Variants in SLIT1 observed in about 807,000 individuals in gnomAD.
SLIT1 encodes the protein slit homolog 1 protein.
SLIT1 carries 66 observed loss-of-function variants against 186.1 expected under a neutral mutation model. The ratio of observed to expected loss-of-function variants is 0.35; its 90% confidence interval spans 0.29 to 0.44. The LOEUF is 0.44. Among genes scored for constraint, SLIT1 ranks in the 20% least tolerant of loss-of-function variants. The probability of loss-of-function intolerance (pLI) is 1.00; values close to 1 mark genes in which losing one functional copy is unlikely to be tolerated. For missense variants in SLIT1, 1,638 were observed against 2,037.4 expected (o/e 0.80, Z 3.77); for synonymous variants, 761 against 833.8 (o/e 0.91, Z 1.50).
intron 4 of SLIT1, among the ~76,000 whole-genome samples, chr10:97,083,009 T>C (rs1338298198): frequency 6.6e-6 from 1 of 152,166 alleles, no homozygotes; most frequent in East Asian, 1.9e-4. Flanking sequence ...GCTCAGGCAA[T>C]CCTGGGCTCA....
At chr10:97,136,024 G>T (rs1391003066) in intron 4 of SLIT1, among the ~76,000 whole-genome samples, 1 of 152,096 alleles carries the variant, frequency 6.6e-6, no homozygotes, top group African/African-American at 2.4e-5. Context: ...GGGGCCCTCG[G>T]GCTGACTAAC....
chr10:97,036,100 T>C (rs1327443086), intron 22 of SLIT1, among the ~76,000 whole-genome samples: 3 of 152,196 alleles, frequency 2.0e-5, no homozygotes, highest in Non-Finnish European at 4.4e-5. Flanking sequence ...TCTGCCCACT[T>C]CATGCGCTCT....
In SLIT1 at chr10:97,004,878, G is replaced by T; in HGVS notation, c.3580-55C>A. ...CCCACCCCATGCAGCAGCGGCACAG[G>T]CTAGCAGATGGGGCAGAGAGGGCAC... On this transcript the variant is annotated intron_variant, in intron 32 of 36. Transcript: ENST00000266058. This position sits in a 1 kb window ranked among gnomAD's most constrained non-coding sequence, Gnocchi z 5.1. 4 of 1,608,210 alleles carry T rather than the reference G, an allele frequency of 2.5e-6. No individual in the cohort carries two copies. In the South Asian group the frequency reaches 3.3e-5, roughly 13 times the overall value.
At position 97,059,416 on chromosome 10, in the gene SLIT1, G is replaced by C. The variant is rs1463389819; in HGVS notation, c.1085+44C>G. The C allele has an allele frequency of 3.3e-6, 5 of 1,533,910 alleles. No homozygotes were observed. The Admixed American group carries it at 8.3e-5, about 26-fold the overall frequency. On this transcript the variant is annotated intron_variant, in intron 11 of 36. Transcript: ENST00000266058. ...CCCTGGGCCCTGCCAGCCTCCTCAG[G>C]GGATGCCCTGGGCCACTGAGGAAGC... is the stretch of plus-strand genomic sequence containing the variant.
intron 4 of SLIT1, among the ~76,000 whole-genome samples, chr10:97,145,117 T>A (rs1485604149): frequency 6.6e-6 from 1 of 152,100 alleles, no homozygotes; most frequent in Non-Finnish European, 1.5e-5. Context: ...TATTAAATGA[T>A]GTACAGTATT....
At chr10:97,031,987 C>T (rs924028083) in intron 23 of SLIT1, among the ~76,000 whole-genome samples, 7 of 152,260 alleles carry the variant, frequency 4.6e-5, no homozygotes, top group African/African-American at 1.7e-4. Context: ...ATGCCTGACT[C>T]CAATAAATCC....
chr10:97,168,159 A>G (rs1237426104), intron 1 of SLIT1, among the ~76,000 whole-genome samples: 1 of 152,146 alleles, frequency 6.6e-6, no homozygotes, highest in Admixed American at 6.5e-5. Flanking sequence ...ACTTTTTTGC[A>G]GTGTTTTCAT....
At chr10:97,069,329 G>A (rs1020551215) in intron 4 of SLIT1, among the ~76,000 whole-genome samples, 1 of 152,252 alleles carries the variant, frequency 6.6e-6, no homozygotes, top group African/African-American at 2.4e-5. Context: ...GCTTGTGGAT[G>A]CAGAGCTAAC....
At position 97,063,440 on chromosome 10, in the gene SLIT1, G is replaced by C. The variant is rs752277301; in HGVS notation, c.793+15C>G. On this transcript the variant is annotated intron_variant, in intron 8 of 36. Transcript: ENST00000266058. ...GCGCCGGACAGTTGAGAGCCCGGCA[G>C]GGGTCTGCACCCACCTGAGCAGCTG... 2.5e-6 allele frequency: 4 copies of C among 1,611,928 alleles called. No homozygotes were observed. Among genetic ancestry groups the C allele is most frequent in the Admixed American group, 3.3e-5 (2 of 59,970 alleles).
chr10:97,088,404 C>G lies in SLIT1; in HGVS notation c.414-22318G>C, dbSNP rs548560481. On this transcript the variant is annotated intron_variant, in intron 4 of 36. Coordinates refer to ENST00000266058, the MANE Select transcript of SLIT1 (RefSeq NM_003061.3). ...ATTGGGCCTGGAAGAGTAGTTCATA[C>G]TAGGTGGTGAATGACTGACAGCCCT... Among the ~76,000 whole-genome samples the G allele has an allele frequency of 4.6e-5, 7 of 152,212 alleles. No individual in the cohort carries two copies. The South Asian group carries it at 1.5e-3, about 32-fold the overall frequency.
At chr10:97,115,474 C>T (rs542861973) in intron 4 of SLIT1, among the ~76,000 whole-genome samples, 1 of 152,192 alleles carries the variant, frequency 6.6e-6, no homozygotes, top group Non-Finnish European at 1.5e-5. Context: ...GGGGCCAATT[C>T]TGGGTGCCTG....
intron 3 of SLIT1, among the ~76,000 whole-genome samples, chr10:97,158,144 A>G (rs7090050): frequency 0.15 from 22,263 of 152,042 alleles, 1,820 homozygotes; most frequent in South Asian, 0.23. Flanking sequence ...CTCTCCTTCC[A>G]CTACTTCTTC....
Position 96,998,145 on chromosome 10 carries a change from A to G in SLIT1, c.*2967T>C, listed in dbSNP as rs921001139. 2 of 152,212 alleles carry G rather than the reference A, an allele frequency of 1.3e-5. No individual in the cohort carries two copies. The highest frequency in any genetic ancestry group is 2.9e-5 in the Non-Finnish European group (2 of 68,060). The allele number at this position is 152,212 out of a possible 1,614,324, so 9.4% of individuals were successfully genotyped here. On this transcript the variant is annotated 3_prime_UTR_variant, in exon 37 of 37. Transcript: ENST00000266058. Reference sequence around the variant, plus strand: ...CAGCTCCCTCATGGGCCTGTTCTAAACCAGCCTCTAGGAGTTGATCCAAAC... The same window carrying G: ...CAGCTCCCTCATGGGCCTGTTCTAAGCCAGCCTCTAGGAGTTGATCCAAAC...
At chr10:97,013,197 TAC>T (rs1439875181) in intron 30 of SLIT1, among the ~76,000 whole-genome samples, 1 of 152,202 alleles carries the variant, frequency 6.6e-6, no homozygotes, top group Non-Finnish European at 1.5e-5. Flanking sequence ...ACAAAATCTA[TAC>T]ATATTCACAT....
At chr10:97,005,570 A>C (rs1187093880) in intron 32 of SLIT1, among the ~76,000 whole-genome samples, 2 of 152,238 alleles carry the variant, frequency 1.3e-5, no homozygotes, top group African/African-American at 2.4e-5. Flanking sequence ...CCTTGAGCTG[A>C]CCGAATTAGA....
rs117306429 is a variant in SLIT1 at position 97,088,908 on chromosome 10, G to T, written c.414-22822C>A. On this transcript the variant is annotated intron_variant, in intron 4 of 36. Coordinates refer to ENST00000266058, the MANE Select transcript of SLIT1 (RefSeq NM_003061.3). ...CATCCTCATGAGCTGTCATGGGGAG[G>T]ATCTAGAGACCAAGGGAAGAAAGAG... Among the ~76,000 whole-genome samples the T allele has an allele frequency of 6.8e-3, 1,042 of 152,308 alleles. 6 individuals are homozygous for T. The highest frequency in any genetic ancestry group is 0.011 in the Non-Finnish European group (731 of 68,026).
intron 4 of SLIT1, among the ~76,000 whole-genome samples, chr10:97,149,072 G>A (rs1849847648): frequency 6.6e-6 from 1 of 152,206 alleles, no homozygotes; most frequent in African/African-American, 2.4e-5. Context: ...TTCAGGCCCC[G>A]GGCTCCCTTG....
chr10:97,064,809 C>A lies in SLIT1; in HGVS notation c.553G>T (p.Val185Leu), dbSNP rs1589380097. 1.2e-6 allele frequency: 2 copies of A among 1,610,328 alleles called. No individual in the cohort carries two copies. The highest frequency in any genetic ancestry group is 1.3e-5 in the African/African-American group (1 of 74,878). ...CCTTTTCCATGCTTTACTTACAGCA[C>A]CTCCAGCCCCCGCAGAGCACGGAAG... The part of the protein sequence containing the change: ...GAFRALRGLE[V>L]LTLNNNNITT... The change falls in exon 6 of 37, where the codon GTG (valine) becomes TTG (leucine). Residue 185 changes from valine (V) to leucine (L), a missense_variant. Physicochemically the swap from Val to Leu is conservative, Grantham distance 32. This residue lies in a region of SLIT1 where 1,245 missense variants were observed against 1,535.3 expected (regional missense o/e 0.81). Transcript: ENST00000266058.
At chr10:97,023,438 G>A (rs968211241) in intron 25 of SLIT1, among the ~76,000 whole-genome samples, 4 of 151,996 alleles carry the variant, frequency 2.6e-5, no homozygotes, top group East Asian at 3.9e-4. Flanking sequence ...GAGGAAGCAC[G>A]TGTAATATGC....
Sources: allele counts gnomAD v4.1 joint callset (sites outside exome capture counted in the v4.1 genomes callset), GRCh38; gene constraint gnomAD v4.1.1; regional missense constraint gnomAD v4.1.1; non-coding constraint Gnocchi (gnomAD v3.1); transcripts MANE v1.5; gene names NCBI Gene and HGNC (gene_info 2026-07-23, HGNC 2026-07-21).